Variants in SPAG16 observed in about 807,000 individuals in gnomAD.
SPAG16 encodes sperm-associated antigen 16 protein.
SPAG16 carries 86 observed loss-of-function variants against 80.4 expected under a neutral mutation model. The ratio of observed to expected loss-of-function variants is 1.07; its 90% CI spans 0.90 to 1.28. SPAG16 has a LOEUF of 1.28. SPAG16 is among the 50% of genes most tolerant of loss of function. The pLI is 0.00. For synonymous variants in SPAG16, 294 were observed against 265.9 expected (o/e 1.11, Z -1.03); for missense variants, 870 against 765.3 (o/e 1.14, Z -1.61).
chr2:214,339,622 A>G (rs1697528668), intron 15 of SPAG16, among the ~76,000 whole-genome samples: 1 of 151,636 alleles, frequency 6.6e-6, no homozygotes, highest in Admixed American at 6.5e-5. Context: ...TTAGAAAAAC[A>G]TGCTTATTTG....
At chr2:213,642,901 T>G (rs1210653654) in intron 10 of SPAG16, among the ~76,000 whole-genome samples, 4 of 150,194 alleles carry the variant, frequency 2.7e-5, no homozygotes, top group Admixed American at 2.0e-4. Context: ...GCTGGATGCT[T>G]TCTGCCCTCA....
chr2:213,701,066 C>A (rs2065392486), intron 10 of SPAG16, among the ~76,000 whole-genome samples: 1 of 151,912 alleles, frequency 6.6e-6, no homozygotes, highest in Admixed American at 6.6e-5. Flanking sequence ...ATGGTGAAAC[C>A]CCATCTCTAC....
At chr2:214,181,791 T>TAA (rs56836715) in intron 15 of SPAG16, among the ~76,000 whole-genome samples, 1 of 151,828 alleles carries the variant, frequency 6.6e-6, no homozygotes, top group African/African-American at 2.4e-5. Context: ...ATTTTTACAT[T>TAA]AAAGTGTAAA....
chr2:213,538,189 C>G (rs1218742591), intron 10 of SPAG16, among the ~76,000 whole-genome samples: 2 of 152,080 alleles, frequency 1.3e-5, no homozygotes, highest in African/African-American at 2.4e-5. Flanking sequence ...AATATGGTCC[C>G]AACTTCTGTA....
intron 10 of SPAG16, among the ~76,000 whole-genome samples, chr2:213,573,341 C>G (rs538184866): frequency 6.6e-6 from 1 of 152,218 alleles, no homozygotes; most frequent in Non-Finnish European, 1.5e-5. Flanking sequence ...CTAGAACAAT[C>G]ATTTTTATTT....
intron 10 of SPAG16, among the ~76,000 whole-genome samples, chr2:213,500,633 T>G (rs1233315976): frequency 6.6e-6 from 1 of 152,176 alleles, no homozygotes; most frequent in African/African-American, 2.4e-5. Flanking sequence ...TAGTACAACC[T>G]AGAGATCCAA....
chr2:214,391,195 C>T (rs186938349), intron 15 of SPAG16, among the ~76,000 whole-genome samples: 104 of 152,178 alleles, frequency 6.8e-4, no homozygotes, highest in Middle Eastern at 3.4e-3. Context: ...AAGGCAACTT[C>T]CCTAAGCTTT....
At chr2:214,396,459 G>A (rs1220659773) in intron 15 of SPAG16, among the ~76,000 whole-genome samples, 2 of 151,964 alleles carry the variant, frequency 1.3e-5, no homozygotes, top group Non-Finnish European at 2.9e-5. Context: ...TAATAATGGT[G>A]ATCTGTAATT....
intron 9 of SPAG16, among the ~76,000 whole-genome samples, chr2:213,462,522 A>G (rs2072436128): frequency 6.6e-6 from 1 of 152,126 alleles, no homozygotes; most frequent in Non-Finnish European, 1.5e-5. Flanking sequence ...TAAACCCCAT[A>G]ATCCCCACAT....
In SPAG16 at chr2:213,859,178, C is replaced by CAAAAAAAAAAAA. The variant is rs1165853142; in HGVS notation, c.1071-3280_1071-3269dup. Among the ~76,000 whole-genome samples, 40 of 9,378 alleles carry CAAAAAAAAAAAA rather than the reference C, an allele frequency of 4.3e-3. 17 individuals are homozygous for CAAAAAAAAAAAA. The highest frequency in any genetic ancestry group is 0.023 in the South Asian group (2 of 86). The allele number at this position is 9,378 out of a possible 152,430, so 6.2% of individuals were successfully genotyped here. A position where few individuals can be genotyped will look rare whatever the true frequency, so the allele number is the denominator to read the frequency against. ...TGGGCAACAGAGCGACACTCCGTCT[C>CAAAAAAAAAAAA]AAAAAAAAAAAAAAAAAAAAAAAAA... On this transcript the variant is annotated intron_variant, in intron 10 of 15. Coordinates refer to ENST00000331683, the MANE Select transcript of SPAG16 (RefSeq NM_024532.5).
At chr2:213,645,368 G>A (rs1229527751) in intron 10 of SPAG16, among the ~76,000 whole-genome samples, 1 of 152,048 alleles carries the variant, frequency 6.6e-6, no homozygotes, top group Non-Finnish European at 1.5e-5. Flanking sequence ...GCTGGTACCT[G>A]AGGCCAGCAA....
intron 10 of SPAG16, among the ~76,000 whole-genome samples, chr2:213,767,287 C>A (rs1346462687): frequency 6.6e-6 from 1 of 152,022 alleles, no homozygotes; most frequent in African/African-American, 2.4e-5. Flanking sequence ...TAATACATAC[C>A]CATACCACGC....
intron 9 of SPAG16, among the ~76,000 whole-genome samples, chr2:213,453,322 G>T (rs1329946930): frequency 3.3e-5 from 5 of 152,112 alleles, no homozygotes; most frequent in African/African-American, 1.2e-4. Flanking sequence ...ATATAAAGTG[G>T]TAGTAAGTGA....
intron 5 of SPAG16, 32 bp from the exon 6 acceptor site, chr2:213,340,131 A>G (rs2064602077): frequency 1.5e-5 from 21 of 1,425,688 alleles, no homozygotes; most frequent in Non-Finnish European, 2.0e-5. Flanking sequence ...AAGAATTAGC[A>G]GTGATTTATA....
chr2:213,317,127 C>A, intron 4 of SPAG16, 92 bp from the exon 5 acceptor site: 1 of 689,134 alleles, frequency 1.5e-6, no homozygotes, highest in Non-Finnish European at 2.4e-6. Flanking sequence ...TACTATAACA[C>A]TCCCTGAGAC....
intron 15 of SPAG16, among the ~76,000 whole-genome samples, chr2:214,229,480 ATGTGTATATATATTTATATGTGTATG>A (rs1187955188): frequency 6.6e-6 from 1 of 151,672 alleles, no homozygotes; most frequent in African/African-American, 2.4e-5. Flanking sequence ...ATTTATATGT[ATGTGTATATATATTTATATGTGTATG>A]TGTGTATATA....
At chr2:213,535,525 T>A (rs2125898540) in intron 10 of SPAG16, among the ~76,000 whole-genome samples, 1 of 152,242 alleles carries the variant, frequency 6.6e-6, no homozygotes, top group African/African-American at 2.4e-5. Flanking sequence ...TAAAACAAAC[T>A]TTTTTGTAAT....
intron 10 of SPAG16, among the ~76,000 whole-genome samples, chr2:213,789,991 A>C (rs796681505): frequency 2.9e-4 from 44 of 151,954 alleles, no homozygotes; most frequent in African/African-American, 9.9e-4. Context: ...ATATTAATTA[A>C]AATCTGCCCT....
intron 15 of SPAG16, among the ~76,000 whole-genome samples, chr2:214,222,255 T>TA (rs2058596458): frequency 6.6e-6 from 1 of 151,798 alleles, no homozygotes; most frequent in African/African-American, 2.4e-5. Flanking sequence ...TAGCTGGAAT[T>TA]ACAGGCACCC....
Sources: gnomAD v4.1 joint callset for allele counts (sites outside exome capture counted in the v4.1 genomes callset) on GRCh38, gnomAD v4.1.1 for gene constraint, MANE v1.5 for transcripts, NCBI Gene and HGNC (gene_info 2026-07-23, HGNC 2026-07-21) for gene names.